SPIN1: variants seen among roughly 807,000 people sequenced by gnomAD.
SPIN1 encodes spindlin 1.
In SPIN1, 3 loss-of-function variants were observed where a neutral mutation model predicts 26.0. The observed-to-expected ratio is 0.12, with a 90% CI of 0.05 to 0.30. The LOEUF (loss-of-function observed/expected upper bound fraction) is 0.30, where lower values mean the gene tolerates loss of function less well. Ranked by LOEUF, SPIN1 falls within the 10% of genes least tolerant of loss-of-function variation. The pLI, the probability that SPIN1 is intolerant of heterozygous loss-of-function variation, is 1.00. For synonymous variants in SPIN1, 101 were observed against 116.5 expected, an observed-to-expected ratio of 0.87 and a Z score of 0.86; for missense variants, 126 against 333.4, an observed-to-expected ratio of 0.38 and a Z score of 4.84.
intron 3 of SPIN1, among the ~76,000 whole-genome samples, chr9:88,454,664 T>C (rs989259127): frequency 5.3e-5 from 8 of 152,226 alleles, no homozygotes; most frequent in Admixed American, 3.9e-4. Context: ...GCTTCAATAA[T>C]CTACATCAAA....
intron 1 of SPIN1, among the ~76,000 whole-genome samples, chr9:88,420,668 G>A (rs997483878): frequency 2.0e-5 from 3 of 152,166 alleles, no homozygotes; most frequent in Non-Finnish European, 4.4e-5. Context: ...AGGTCTTTGT[G>A]TAAAAGAAGG....
intron 5 of SPIN1, among the ~76,000 whole-genome samples, chr9:88,469,401 A>G (rs554694225): frequency 1.2e-4 from 19 of 152,338 alleles, no homozygotes; most frequent in Non-Finnish European, 1.5e-4. Flanking sequence ...TGGAGTACAG[A>G]GTCAGTGTTT....
At chr9:88,412,211 A>G (rs567541068) in intron 1 of SPIN1, among the ~76,000 whole-genome samples, 1 of 152,086 alleles carries the variant, frequency 6.6e-6, no homozygotes, top group East Asian at 1.9e-4. Context: ...TTTCCTTAAC[A>G]CAATTCCAGT....
intron 1 of SPIN1, among the ~76,000 whole-genome samples, chr9:88,406,376 C>T (rs1249214160): frequency 5.9e-5 from 9 of 151,636 alleles, no homozygotes; most frequent in Non-Finnish European, 1.5e-5. Flanking sequence ...CTGCAAGCTC[C>T]GCCTCCCAGG....
rs149681957 is a variant in SPIN1, at chr9:88,421,876, T to A, written c.-158-4506T>A. Among the ~76,000 whole-genome samples, 1,159 of 152,190 alleles carry A rather than the reference T, an allele frequency of 7.6e-3. 16 individuals are homozygous for A. The highest frequency in any genetic ancestry group is 0.026 in the African/African-American group (1,061 of 41,514). ...TAAAAGCTTGACTAGATTTTTTTTT[T>A]AATATATTTTATATTGCCACATTTC... On this transcript the variant is annotated intron_variant, in intron 1 of 5. Transcript: ENST00000375859.
Position 88,388,856 on chromosome 9 carries a change from C to T in SPIN1, c.-159+318C>T, listed in dbSNP as rs1056978039. On this transcript the variant is annotated intron_variant, in intron 1 of 5. Coordinates refer to ENST00000375859, the MANE Select transcript of SPIN1 (RefSeq NM_006717.3). ...TCCCCAGTTCCCCGGCCGCCGCCGG[C>T]CCCTTAGCGCGCGCTTTGTTTGGAG... is the stretch of plus-strand genomic sequence containing the variant. 4.6e-5 allele frequency among the ~76,000 whole-genome samples: 7 copies of T among 151,038 alleles called. No homozygotes were observed. In the South Asian group the frequency reaches 1.0e-3, roughly 22 times the overall value.
chr9:88,471,220 G>A (rs1351076898), intron 5 of SPIN1, among the ~76,000 whole-genome samples: 1 of 151,962 alleles, frequency 6.6e-6, no homozygotes, highest in Admixed American at 6.6e-5. Flanking sequence ...TATAATTATA[G>A]CTCTTACTTA....
At chr9:88,455,193 G>A (rs954949475) in intron 3 of SPIN1, among the ~76,000 whole-genome samples, 3 of 152,174 alleles carry the variant, frequency 2.0e-5, no homozygotes, top group African/African-American at 4.8e-5. Flanking sequence ...TGCCGGGCGC[G>A]GTGGCTCACA....
chr9:88,389,509 T>C (rs1011891925), intron 1 of SPIN1: 12 of 152,232 alleles, frequency 7.9e-5, no homozygotes, highest in African/African-American at 2.9e-4. Flanking sequence ...TACTTATAAT[T>C]TTTGAATCAG....
intron 1 of SPIN1, among the ~76,000 whole-genome samples, chr9:88,408,332 T>C (rs1827354162): frequency 6.7e-6 from 1 of 149,204 alleles, no homozygotes; most frequent in South Asian, 2.2e-4. Context: ...CTTGTCATGC[T>C]TCATCCTGGA....
At chr9:88,473,747 G>A (rs566512125) in intron 5 of SPIN1, among the ~76,000 whole-genome samples, 16 of 152,134 alleles carry the variant, frequency 1.1e-4, no homozygotes, top group African/African-American at 2.7e-4. Flanking sequence ...TCGCGTACCC[G>A]CTCTGATGGT....
intron 1 of SPIN1, among the ~76,000 whole-genome samples, chr9:88,419,226 C>T (rs1827628074): frequency 6.6e-6 from 1 of 152,112 alleles, no homozygotes; most frequent in African/African-American, 2.4e-5. Context: ...TGATTACCTG[C>T]TCCACCCTGA....
intron 1 of SPIN1, among the ~76,000 whole-genome samples, chr9:88,410,347 A>C (rs1443492928): frequency 6.6e-6 from 1 of 152,202 alleles, no homozygotes; most frequent in East Asian, 1.9e-4. Flanking sequence ...TTATACAATT[A>C]GTCACAAATA....
intron 3 of SPIN1, among the ~76,000 whole-genome samples, chr9:88,453,418 G>A (rs1442915144): frequency 1.3e-5 from 2 of 152,118 alleles, no homozygotes; most frequent in South Asian, 2.1e-4. Context: ...TCTTCATGCC[G>A]CTGAATCCAA....
chr9:88,471,654 CAA>C (rs1166469042), intron 5 of SPIN1, among the ~76,000 whole-genome samples: 1,750 of 59,548 alleles, frequency 0.029, 9 homozygotes, highest in African/African-American at 0.1. Context: ...GACTCTGTCT[CAA>C]AAAAAAAAAA....
chr9:88,402,552 CAT>C (rs1057485347), intron 1 of SPIN1, among the ~76,000 whole-genome samples: 5 of 145,538 alleles, frequency 3.4e-5, no homozygotes, highest in East Asian at 2.0e-4. Context: ...TTTGTTAGAA[CAT>C]GTGTTATTTG....
intron 4 of SPIN1, among the ~76,000 whole-genome samples, chr9:88,467,065 T>C (rs375106847): frequency 2.0e-5 from 3 of 152,256 alleles, no homozygotes; most frequent in African/African-American, 7.2e-5. Context: ...GTTTGTTTGT[T>C]TTTTAAAGAT....
At chr9:88,446,154 A>G (rs1282845467) in intron 2 of SPIN1, among the ~76,000 whole-genome samples, 2 of 151,536 alleles carry the variant, frequency 1.3e-5, no homozygotes, top group East Asian at 3.9e-4. Context: ...GTGTTTCATT[A>G]CTCTGTAATT....
At chr9:88,414,430 A>ATTTTTT (rs1827519628) in intron 1 of SPIN1, among the ~76,000 whole-genome samples, 1 of 152,186 alleles carries the variant, frequency 6.6e-6, no homozygotes, top group African/African-American at 2.4e-5. Context: ...CATTTCAGGG[A>ATTTTTT]TTTAAAGGGC....
Sources: gnomAD v4.1 joint callset for allele counts (sites outside exome capture counted in the v4.1 genomes callset) on GRCh38, gnomAD v4.1.1 for gene constraint, MANE v1.5 for transcripts, NCBI Gene and HGNC (gene_info 2026-07-23, HGNC 2026-07-21) for gene names.